Variants in REDIC1 observed in about 807,000 individuals in gnomAD.
The protein encoded by REDIC1 is HEI10 Interacting Protein 1.
At chr12:39,673,564 C>G in the REDIC1 span, among the ~76,000 whole-genome samples, 2 of 152,192 alleles carry the variant, frequency 1.3e-5, no homozygotes, top group South Asian at 4.1e-4. Flanking sequence ...TTCACTGATT[C>G]TATTCCAGCT....
At chr12:39,832,223 A>G in the REDIC1 span, among the ~76,000 whole-genome samples, 1 of 152,160 alleles carries the variant, frequency 6.6e-6, no homozygotes, top group African/African-American at 2.4e-5. Context: ...GGCTTTGAGA[A>G]CCAGACTAGG....
chr12:39,716,898 C>T, the REDIC1 span: 5 of 1,164,050 alleles, frequency 4.3e-6, no homozygotes, highest in Middle Eastern at 4.4e-4. Flanking sequence ...TTGTTTTTCT[C>T]ATAGTTTACC....
chr12:39,719,387 G>T, the REDIC1 span, among the ~76,000 whole-genome samples: 1 of 152,080 alleles, frequency 6.6e-6, no homozygotes, highest in East Asian at 1.9e-4. Context: ...AGCATTTTGG[G>T]AGACTGAGGT....
At chr12:39,664,759 A>G in the REDIC1 span, among the ~76,000 whole-genome samples, 1 of 152,108 alleles carries the variant, frequency 6.6e-6, no homozygotes, top group Non-Finnish European at 1.5e-5. Flanking sequence ...CTTTTTAATA[A>G]TCGCCATTCT....
At chr12:39,745,593 G>A in the REDIC1 span, among the ~76,000 whole-genome samples, 1 of 152,112 alleles carries the variant, frequency 6.6e-6, no homozygotes, top group Non-Finnish European at 1.5e-5. Context: ...TGTATAAATG[G>A]AATAATTATA....
At chr12:39,723,514 C>T in the REDIC1 span, among the ~76,000 whole-genome samples, 1 of 151,118 alleles carries the variant, frequency 6.6e-6, no homozygotes, top group Non-Finnish European at 1.5e-5. Context: ...TGGGCTTTCT[C>T]GGTGAAACTG....
the REDIC1 span, among the ~76,000 whole-genome samples, chr12:39,840,276 T>A: frequency 6.6e-6 from 1 of 151,980 alleles, no homozygotes; most frequent in Non-Finnish European, 1.5e-5. Context: ...TCCATTCTTA[T>A]CCCAGCCATC....
At chr12:39,733,606 G>A in the REDIC1 span, among the ~76,000 whole-genome samples, 2 of 152,210 alleles carry the variant, frequency 1.3e-5, no homozygotes, top group South Asian at 4.1e-4. Context: ...CCTGCCCAGA[G>A]AGGAGGAATT....
At chr12:39,851,759 C>T in the REDIC1 span, among the ~76,000 whole-genome samples, 1 of 152,152 alleles carries the variant, frequency 6.6e-6, no homozygotes, top group Non-Finnish European at 1.5e-5. Flanking sequence ...ACATGCTGAG[C>T]TTTGAGTCAT....
the REDIC1 span, among the ~76,000 whole-genome samples, chr12:39,708,580 G>T: frequency 6.6e-6 from 1 of 151,618 alleles, no homozygotes; most frequent in African/African-American, 2.4e-5. Flanking sequence ...TAATCCATTT[G>T]GAGTTTAAGT....
chr12:39,687,916 G>T, the REDIC1 span, among the ~76,000 whole-genome samples: 2 of 152,230 alleles, frequency 1.3e-5, no homozygotes, highest in African/African-American at 2.4e-5. Flanking sequence ...GAAATGTAAA[G>T]AGATTAGATA....
the REDIC1 span, among the ~76,000 whole-genome samples, chr12:39,778,462 G>T: frequency 6.6e-6 from 1 of 150,408 alleles, no homozygotes; most frequent in Admixed American, 6.6e-5. Context: ...GACGAAGTTA[G>T]TTATTTCTTT....
chr12:39,683,683 T>C, the REDIC1 span, among the ~76,000 whole-genome samples: 3 of 151,580 alleles, frequency 2.0e-5, no homozygotes, highest in African/African-American at 7.3e-5. Context: ...ATTTGCCAGC[T>C]CCCAAATACC....
the REDIC1 span, among the ~76,000 whole-genome samples, chr12:39,750,484 G>T: frequency 6.6e-6 from 1 of 152,136 alleles, no homozygotes; most frequent in African/African-American, 2.4e-5. Flanking sequence ...TGACCATACT[G>T]CCCAAGGTAA....
At chr12:39,668,073 G>T in the REDIC1 span, among the ~76,000 whole-genome samples, 1 of 151,524 alleles carries the variant, frequency 6.6e-6, no homozygotes, top group Admixed American at 6.6e-5. Context: ...TACATTTAAG[G>T]TTAATATTGT....
the REDIC1 span, among the ~76,000 whole-genome samples, chr12:39,805,313 G>C: frequency 6.6e-6 from 1 of 152,194 alleles, no homozygotes; most frequent in Non-Finnish European, 1.5e-5. Context: ...TTTGCAGGGA[G>C]AGGCAGGGGT....
At chr12:39,675,204 CTG>C in the REDIC1 span, among the ~76,000 whole-genome samples, 1 of 152,184 alleles carries the variant, frequency 6.6e-6, no homozygotes, top group Non-Finnish European at 1.5e-5. Context: ...CCATAATCCT[CTG>C]TGGAACATAA....
At chr12:39,666,018 C>G in the REDIC1 span, among the ~76,000 whole-genome samples, 3 of 152,106 alleles carry the variant, frequency 2.0e-5, no homozygotes, top group South Asian at 4.1e-4. Flanking sequence ...CATCTGCAAA[C>G]AATTTAACTT....
chr12:39,665,441 T>G, the REDIC1 span, among the ~76,000 whole-genome samples: 1 of 151,424 alleles, frequency 6.6e-6, no homozygotes, highest in East Asian at 1.9e-4. Flanking sequence ...TATCTCTGTT[T>G]TGGTACCAGT....
Sources: gnomAD v4.1 joint callset for allele counts (sites outside exome capture counted in the v4.1 genomes callset) on GRCh38, gnomAD v4.1.1 for gene constraint, MANE v1.5 for transcripts, NCBI Gene and HGNC (gene_info 2026-07-23, HGNC 2026-07-21) for gene names.